HEATR5B: variants seen among roughly 807,000 people sequenced by gnomAD.
HEATR5B encodes HEAT repeat containing 5B.
A neutral mutation model predicts 224.1 loss-of-function variants in HEATR5B; 156 were observed. That is an observed-to-expected ratio of 0.70 (90% CI 0.61 to 0.80). The LOEUF (loss-of-function observed/expected upper bound fraction) is 0.80, where lower values mean the gene tolerates loss of function less well. Ranked by LOEUF, HEATR5B falls within the 30% of genes least tolerant of loss-of-function variation. HEATR5B has a pLI of 0.00. For missense variants in HEATR5B, 2,323 were observed against 2,535.5 expected (o/e 0.92, Z 1.80); for synonymous variants, 1,027 against 893.0 (o/e 1.15, Z -2.68).
chr2:37,078,303 T>A (rs1672356890), intron 3 of HEATR5B, among the ~76,000 whole-genome samples: 1 of 152,228 alleles, frequency 6.6e-6, no homozygotes, highest in Non-Finnish European at 1.5e-5. Flanking sequence ...ACTCCAAATC[T>A]CATGCTTTTT....
intron 26 of HEATR5B, among the ~76,000 whole-genome samples, chr2:37,018,191 C>G (rs190778705): frequency 6.7e-6 from 1 of 148,758 alleles, no homozygotes; most frequent in South Asian, 2.1e-4. Flanking sequence ...AAAAAAACTT[C>G]TTATAAAAAA....
In HEATR5B at chr2:36,988,497, T is replaced by C. The variant is rs573915757; in HGVS notation, c.5911+149A>G. 156 of 609,166 alleles carry C rather than the reference T, an allele frequency of 2.6e-4. 1 individual carries two copies. In the East Asian group the frequency reaches 4.3e-3, roughly 17 times the overall value. 37.7% of individuals were successfully genotyped at this position (609,166 alleles called of 1,614,324 possible). A position where few individuals can be genotyped will look rare whatever the true frequency, so the allele number is the denominator to read the frequency against. ...GGATGGTCTCGATCTCCTGACCTCG[T>C]GATCCACCCACCTTGGCCTCCCAGA... On this transcript the variant is annotated intron_variant, in intron 35 of 35. Transcript: ENST00000233099.
At chr2:37,020,932 AC>A in intron 24 of HEATR5B, 96 bp from the exon 25 acceptor site, 1 of 699,548 alleles carries the variant, frequency 1.4e-6, no homozygotes, top group Non-Finnish European at 2.3e-6. Context: ...GATAAAAAAC[AC>A]AATCCACATA....
At chr2:36,987,290 G>A (rs555370775) in intron 35 of HEATR5B, among the ~76,000 whole-genome samples, 14 of 152,128 alleles carry the variant, frequency 9.2e-5, no homozygotes, top group African/African-American at 2.9e-4. Flanking sequence ...TAAGCCAGGC[G>A]TTATGGCACA....
At chr2:37,021,590 T>C (rs1421820708) in intron 24 of HEATR5B, among the ~76,000 whole-genome samples, 1 of 151,996 alleles carries the variant, frequency 6.6e-6, no homozygotes, top group Non-Finnish European at 1.5e-5. Context: ...ATGTAAAATG[T>C]AGATTCACTG....
chr2:37,064,649 G>A (rs1171561952), intron 10 of HEATR5B, 91 bp downstream of exon 10: 2 of 1,295,484 alleles, frequency 1.5e-6, no homozygotes, highest in African/African-American at 1.5e-5. Context: ...ACTGTTATTT[G>A]ACCACCCTGT....
At chr2:37,014,083 A>C (rs979818712) in intron 26 of HEATR5B, 63 bp from the exon 27 acceptor site, 1 of 939,420 alleles carries the variant, frequency 1.1e-6, no homozygotes, top group African/African-American at 1.7e-5. Context: ...AGAAAATGGA[A>C]TAAATGACTT....
At position 37,057,435 on chromosome 2, in the gene HEATR5B, A is replaced by G; in HGVS notation, c.2105T>C (p.Leu702Ser). Reference protein sequence around the residue: ...LLRELVAEFTLTDNSANTTTS... With the variant: ...LLRELVAEFTSTDNSANTTTS... ...AGTTGTGTTGGCTGAGTTGTCAGTC[A>G]AAGTGAATTCCGCTACCAGTTCTCT... Residue 702 changes from leucine (L) to serine (S), a missense_variant, in exon 15 of 36, where the codon TTG becomes TCG. Physicochemically the swap from Leu to Ser is moderately radical, Grantham distance 145 (BLOSUM62 -2). This residue lies in a region of HEATR5B where 502 missense variants were observed against 517.8 expected (regional missense o/e 0.97). Coordinates refer to ENST00000233099, the MANE Select transcript of HEATR5B (RefSeq NM_019024.3). The G allele has an allele frequency of 6.2e-7, 1 of 1,611,538 alleles. No individual in the cohort carries two copies. The highest frequency in any genetic ancestry group is 8.5e-7 in the Non-Finnish European group (1 of 1,178,902).
At chr2:37,063,021 A>G (rs770106767) in intron 10 of HEATR5B, among the ~76,000 whole-genome samples, 25 of 152,154 alleles carry the variant, frequency 1.6e-4, no homozygotes, top group Non-Finnish European at 3.4e-4. Context: ...GTTGGTCTCA[A>G]ACTTCTGACC....
intron 22 of HEATR5B, 113 bp downstream of exon 22, chr2:37,032,516 G>T: frequency 2.3e-6 from 2 of 865,608 alleles, no homozygotes; most frequent in Non-Finnish European, 1.8e-6. Flanking sequence ...TTATTTCAAA[G>T]AATAAGACAT....
In HEATR5B at chr2:37,028,897, C is replaced by T. The variant is rs747897183; in HGVS notation, c.3385G>A (p.Val1129Ile). The change falls in exon 23 of 36, where the codon GTT (valine) becomes ATT (isoleucine). Residue 1129 changes from valine to isoleucine, a missense_variant. Physicochemically the swap from Val to Ile is conservative, Grantham distance 29. Transcript: ENST00000233099. ...CAATGGATATCAGTTCGAGAACTAA[C>T]CCCAGGGGCAAAAGGACTGACATCT... The part of the protein sequence containing the change: ...SANVSPFAPG[V>I]SSRTDIHCRH... The T allele has an allele frequency of 4.4e-5, 71 of 1,613,844 alleles. No homozygotes were observed. Among genetic ancestry groups the T allele is most frequent in the Non-Finnish European group, 5.9e-5 (70 of 1,179,840 alleles).
At chr2:37,050,517 TCTC>T (rs1470879228) in intron 17 of HEATR5B, among the ~76,000 whole-genome samples, 4 of 152,132 alleles carry the variant, frequency 2.6e-5, no homozygotes, top group Non-Finnish European at 5.9e-5. Context: ...AAGGAAACAT[TCTC>T]CTATTTCACC....
At position 37,038,907 on chromosome 2, in the gene HEATR5B, T is replaced by TGGG. The variant is rs758997585; in HGVS notation, c.3047-886_3047-884dup. The stretch of plus-strand genomic sequence containing the variant: ...AGAGCAAGACTCTGTCTCCCTGGGG[T>TGGG]GGGGGGGGTGGGGAATCACATATTT... On this transcript the variant is annotated intron_variant, in intron 20 of 35. Transcript: ENST00000233099. Among the ~76,000 whole-genome samples the TGGG allele has an allele frequency of 1.5e-3, 97 of 65,960 alleles. 2 individuals are homozygous for TGGG. The highest frequency in any genetic ancestry group is 1.9e-3 in the Non-Finnish European group (60 of 31,692). 43.3% of individuals were successfully genotyped at this position (65,960 alleles called of 152,430 possible).
At chr2:37,039,696 A>G (rs1299047387) in intron 20 of HEATR5B, among the ~76,000 whole-genome samples, 1 of 152,224 alleles carries the variant, frequency 6.6e-6, no homozygotes, top group Non-Finnish European at 1.5e-5. Context: ...GAAAACTCTG[A>G]AAGTGGTTTA....
intron 12 of HEATR5B, among the ~76,000 whole-genome samples, chr2:37,059,404 ATATGTGTGTGTG>A (rs1349716872): frequency 9.4e-5 from 10 of 106,942 alleles, no homozygotes; most frequent in South Asian, 3.7e-4. Context: ...ATATATATGT[ATATGTGTGTGTG>A]TGTGTGTGTG....
intron 30 of HEATR5B, 28 bp from the exon 31 acceptor site, chr2:37,003,714 A>G (rs757254858): frequency 1.1e-5 from 16 of 1,482,922 alleles, no homozygotes; most frequent in African/African-American, 1.4e-5. Context: ...AAATACAGTT[A>G]AGTAATTTCA....
intron 22 of HEATR5B, 87 bp downstream of exon 22, chr2:37,032,542 C>T (rs980894417): frequency 2.1e-5 from 24 of 1,134,874 alleles, no homozygotes; most frequent in Non-Finnish European, 2.9e-5. Context: ...CACATTGCAA[C>T]AGAAAAATGT....
Position 37,049,681 on chromosome 2 carries a change from C to A in HEATR5B, c.2668G>T (p.Ala890Ser). ...TCAAAGCTATATTGGGCCATTCTAG[C>A]AATAAAAGTTGCTTCTCCAACCACC... ...AQVVGEATFI[A>S]RMAQYSFDKL... Residue 890 changes from alanine (A) to serine (S), a missense_variant, in exon 18 of 36, where the codon GCT (alanine) becomes TCT (serine). This residue lies in a region of HEATR5B where 170 missense variants were observed against 216.7 expected (regional missense o/e 0.78). Coordinates refer to ENST00000233099, the MANE Select transcript of HEATR5B (RefSeq NM_019024.3). 1 of 1,613,876 alleles carries A rather than the reference C, an allele frequency of 6.2e-7. No individual in the cohort carries two copies. The highest frequency in any genetic ancestry group is 8.5e-7 in the Non-Finnish European group (1 of 1,179,966).
intron 32 of HEATR5B, among the ~76,000 whole-genome samples, chr2:37,001,200 C>T (rs539597206): frequency 6.6e-6 from 1 of 152,244 alleles, no homozygotes; most frequent in South Asian, 2.1e-4. Context: ...ACTTGTAAAA[C>T]ATGTAATCAA....
Sources: allele counts gnomAD v4.1 joint callset (sites outside exome capture counted in the v4.1 genomes callset), GRCh38; gene constraint gnomAD v4.1.1; regional missense constraint gnomAD v4.1.1; transcripts MANE v1.5; gene names NCBI Gene and HGNC (gene_info 2026-07-23, HGNC 2026-07-21).